Variants in RANBP17 observed in about 807,000 individuals in gnomAD.
The protein encoded by RANBP17 is ran-binding protein 17.
A neutral mutation model predicts 141.2 loss-of-function variants in RANBP17; 158 were observed. The ratio of observed to expected loss-of-function variants is 1.12; its 90% CI spans 0.98 to 1.28. RANBP17 has a LOEUF of 1.28. Among genes scored for constraint, RANBP17 ranks in the 50% most tolerant of loss-of-function variants. The pLI is 0.00. For missense variants in RANBP17, 1,438 were observed against 1,290.7 expected, an observed-to-expected ratio of 1.11 and a Z score of -1.75; for synonymous variants, 430 against 450.0, an observed-to-expected ratio of 0.96 and a Z score of 0.56.
chr5:170,899,504 CTTTA>C (rs755708695), intron 5 of RANBP17, among the ~76,000 whole-genome samples: 12 of 152,162 alleles, frequency 7.9e-5, no homozygotes, highest in Non-Finnish European at 1.3e-4. Context: ...TTTGAATACT[CTTTA>C]TTTCTTTCTC....
chr5:171,238,768 T>G (rs1194070004), intron 22 of RANBP17, among the ~76,000 whole-genome samples: 1 of 152,206 alleles, frequency 6.6e-6, no homozygotes, highest in African/African-American at 2.4e-5. Flanking sequence ...GCCTTTGCAC[T>G]TCATCTACCC....
chr5:171,293,616 A>C (rs1768637890), intron 25 of RANBP17, among the ~76,000 whole-genome samples: 1 of 152,224 alleles, frequency 6.6e-6, no homozygotes, highest in Admixed American at 6.5e-5. Context: ...ATCTTGGCCC[A>C]GTGACCTCTT....
At chr5:171,209,661 A>T (rs1762765135) in intron 20 of RANBP17, among the ~76,000 whole-genome samples, 1 of 152,234 alleles carries the variant, frequency 6.6e-6, no homozygotes, top group African/African-American at 2.4e-5. Flanking sequence ...TGTATGGGAA[A>T]AAGAGCAGTG....
intron 21 of RANBP17, among the ~76,000 whole-genome samples, chr5:171,220,818 A>G (rs1328440774): frequency 2.0e-5 from 3 of 152,170 alleles, no homozygotes; most frequent in Non-Finnish European, 4.4e-5. Context: ...GGAAAATGTT[A>G]TCTTTTCTAT....
intron 14 of RANBP17, among the ~76,000 whole-genome samples, chr5:171,123,199 C>T (rs1756172328): frequency 6.6e-6 from 1 of 152,166 alleles, no homozygotes. Context: ...CCAGAGCTAG[C>T]ACCCATGTGC....
intron 14 of RANBP17, 43 bp from the exon 15 acceptor site, chr5:171,170,087 A>G (rs368693822): frequency 1.9e-6 from 2 of 1,037,736 alleles, no homozygotes; most frequent in Non-Finnish European, 2.8e-6. Context: ...TTGAAAATAT[A>G]TGTTAATAGT....
chr5:171,158,654 T>C (rs778660109), intron 14 of RANBP17, among the ~76,000 whole-genome samples: 4 of 152,092 alleles, frequency 2.6e-5, no homozygotes, highest in Non-Finnish European at 5.9e-5. Flanking sequence ...CTTTGACCAT[T>C]TATTGTCCAT....
rs1766862267 is a variant in RANBP17, at chr5:171,268,243, A to G, written c.2943+2396A>G. Among the ~76,000 whole-genome samples the G allele has an allele frequency of 3.3e-5, 5 of 152,336 alleles. No homozygotes were observed. In the South Asian group the frequency reaches 1.0e-3, roughly 32 times the overall value. On this transcript the variant is annotated intron_variant, in intron 25 of 27. Transcript: ENST00000523189. The stretch of plus-strand genomic sequence containing the variant: ...TGATCATTTCATTAATATAGTGATG[A>G]CAAAGAAAGTAAAATTCAAGGGGAG...
At chr5:170,903,844 T>G (rs1770859489) in intron 5 of RANBP17, 9 of 452,716 alleles carry the variant, frequency 2.0e-5, no homozygotes, top group South Asian at 1.7e-4. Context: ...TTGCTCAACC[T>G]AACAAGCTCC....
intron 11 of RANBP17, among the ~76,000 whole-genome samples, chr5:170,921,223 G>C (rs775051520): frequency 6.6e-6 from 1 of 152,090 alleles, no homozygotes; most frequent in Admixed American, 6.6e-5. Context: ...TATGGTGTTA[G>C]GTCTTACATT....
intron 16 of RANBP17, among the ~76,000 whole-genome samples, chr5:171,182,019 T>C (rs1004348742): frequency 6.6e-6 from 1 of 152,220 alleles, no homozygotes; most frequent in Non-Finnish European, 1.5e-5. Context: ...CTGACTCATG[T>C]TCCAATGTGT....
chr5:171,134,903 C>T (rs372835591), intron 14 of RANBP17, among the ~76,000 whole-genome samples: 16 of 151,680 alleles, frequency 1.1e-4, no homozygotes, highest in Admixed American at 4.6e-4. Flanking sequence ...GCCAGGGTGA[C>T]GGGGTGAGAT....
chr5:171,152,016 C>A (rs555546812), intron 14 of RANBP17, among the ~76,000 whole-genome samples: 1 of 152,050 alleles, frequency 6.6e-6, no homozygotes, highest in Non-Finnish European at 1.5e-5. Context: ...ATAGAAATTT[C>A]TAACTGAAAA....
At chr5:171,270,828 C>A (rs1767053894) in intron 25 of RANBP17, among the ~76,000 whole-genome samples, 1 of 152,070 alleles carries the variant, frequency 6.6e-6, no homozygotes, top group Admixed American at 6.6e-5. Context: ...AAGAGTAACA[C>A]CTTCCACAGA....
chr5:171,209,351 G>A (rs561530909), intron 20 of RANBP17, among the ~76,000 whole-genome samples: 58 of 152,238 alleles, frequency 3.8e-4, no homozygotes, highest in African/African-American at 1.4e-3. Context: ...TTATTCCATA[G>A]GTAGTATAAA....
chr5:171,177,133 T>A (rs1231202809), intron 16 of RANBP17, among the ~76,000 whole-genome samples: 1 of 152,212 alleles, frequency 6.6e-6, no homozygotes, highest in Admixed American at 6.5e-5. Context: ...TAGCATTTTT[T>A]ATCAGAGGAA....
At chr5:171,297,297 A>G (rs1238872222) in intron 27 of RANBP17, among the ~76,000 whole-genome samples, 2 of 152,236 alleles carry the variant, frequency 1.3e-5, no homozygotes, top group East Asian at 3.8e-4. Flanking sequence ...TGGTAAACCA[A>G]TTATTTAAGG....
chr5:170,970,826 C>A, intron 14 of RANBP17, among the ~76,000 whole-genome samples: 1 of 152,096 alleles, frequency 6.6e-6, no homozygotes, highest in East Asian at 1.9e-4. Context: ...TGTTCTGTAG[C>A]ACCCATTTGT....
At chr5:171,071,154 G>A (rs1581559055) in intron 14 of RANBP17, among the ~76,000 whole-genome samples, 1 of 151,936 alleles carries the variant, frequency 6.6e-6, no homozygotes, top group African/African-American at 2.4e-5. Context: ...GTGTAACCTC[G>A]CCATTTTTAA....
Sources: allele counts gnomAD v4.1 joint callset (sites outside exome capture counted in the v4.1 genomes callset), GRCh38; gene constraint gnomAD v4.1.1; transcripts MANE v1.5; gene names NCBI Gene and HGNC (gene_info 2026-07-23, HGNC 2026-07-21).